PGGHG: variants seen among roughly 807,000 people sequenced by gnomAD.
PGGHG encodes the protein protein-glucosylgalactosylhydroxylysine glucosidase, also known as ATH1, acid trehalase-like 1.
In PGGHG, 67 loss-of-function variants were observed where a neutral mutation model predicts 74.5. The observed-to-expected ratio is 0.90, with a 90% CI of 0.74 to 1.10. The LOEUF is 1.10. PGGHG is among the 50% of genes least tolerant of loss of function. PGGHG has a pLI of 0.00. For synonymous variants in PGGHG, 496 were observed against 419.9 expected (o/e 1.18, Z -2.21); for missense variants, 1,034 against 981.5 (o/e 1.05, Z -0.72).
Position 289,772 on chromosome 11 carries a change from C to G in PGGHG, c.-13-32C>G, listed in dbSNP as rs769117959. The G allele has an allele frequency of 6.6e-7, 1 of 1,524,698 alleles. No individual in the cohort carries two copies. Among genetic ancestry groups the G allele is most frequent in the Admixed American group, 2.0e-5 (1 of 49,588 alleles). The allele number at this position is 1,524,698 out of a possible 1,614,324, so 94.4% of individuals were successfully genotyped here. A position where few individuals can be genotyped will look rare whatever the true frequency, so the allele number is the denominator to read the frequency against. ...CTCAAGAGGGAGGCCCAGCCAGTCCCGCGGCCCCTGACACCCCATCAGGCC... is the reference window on the plus strand; with the variant it reads ...CTCAAGAGGGAGGCCCAGCCAGTCCGGCGGCCCCTGACACCCCATCAGGCC... On this transcript the variant is annotated intron_variant, in intron 1 of 13. Transcript: ENST00000409548. This position sits in a 1 kb window ranked among gnomAD's most constrained non-coding sequence, Gnocchi z 5.6.
intron 7 of PGGHG, 79 bp from the exon 8 acceptor site, chr11:293,084 A>G: frequency 6.2e-7 from 1 of 1,613,914 alleles, no homozygotes; most frequent in Non-Finnish European, 8.5e-7. Flanking sequence ...CACGTGTGCC[A>G]GCCCCACGCT....
intron 9 of PGGHG, 37 bp from the exon 10 acceptor site, chr11:293,557 C>T (rs1845790578): frequency 6.2e-7 from 1 of 1,613,012 alleles, no homozygotes; most frequent in Non-Finnish European, 8.5e-7. Flanking sequence ...TCGAGTCTGT[C>T]CTGGAACACC....
Position 292,063 on chromosome 11 carries a change from G to A in PGGHG, c.994G>A (p.Ala332Thr). The A allele has an allele frequency of 6.3e-7, 1 of 1,582,128 alleles. No homozygotes were observed. The highest frequency in any genetic ancestry group is 8.6e-7 in the Non-Finnish European group (1 of 1,163,970). The change falls in exon 5 of 14, where the codon GCC becomes ACC. Residue 332 changes from alanine (A) to threonine (T), a missense_variant. Transcript: ENST00000409548. Reference sequence around the variant, plus strand: ...GTACCGCATCCGCACGCTGGACGGGGCCCTGGAGAACGCCCAGAACCTGGG... The same window carrying A: ...GTACCGCATCCGCACGCTGGACGGGACCCTGGAGAACGCCCAGAACCTGGG... The part of the protein sequence containing the change: ...LEYRIRTLDG[A>T]LENAQNLGYQ...
Position 291,507 on chromosome 11 carries a change from G to A in PGGHG, c.906+394G>A, listed in dbSNP as rs551048801. The A allele has an allele frequency of 6.8e-5, 18 of 263,040 alleles. 1 individual carries two copies. Among genetic ancestry groups the A allele is most frequent in the East Asian group, 3.4e-4 (4 of 11,614 alleles). The allele number at this position is 263,040 out of a possible 1,614,324, so 16.3% of individuals were successfully genotyped here. A position where few individuals can be genotyped will look rare whatever the true frequency, so the allele number is the denominator to read the frequency against. ...AGGCCTGTGGGGCTGCGTGGAGCCC[G>A]GTACTGGAGGCCGACGGGGGTGACG... On this transcript the variant is annotated intron_variant, in intron 4 of 13. Coordinates refer to ENST00000409548, the MANE Select transcript of PGGHG (RefSeq NM_025092.5).
intron 4 of PGGHG, chr11:291,556 A>G: frequency 3.9e-6 from 1 of 257,914 alleles, no homozygotes; most frequent in Non-Finnish European, 7.5e-6. Flanking sequence ...CACAGAGCGG[A>G]GGGGCATGAT....
At position 290,846 on chromosome 11, in the gene PGGHG, C is replaced by G; in HGVS notation, c.639C>G (p.Ala213=). ...AVGGSQAEAQ[A]CLTEALQLQA... ...GCGGCAGCCAGGCTGAGGCTCAGGC[C>G]TGCCTCACTGAGGCCCTGCAGCTGC... The change falls in exon 4 of 14, where the codon GCC becomes GCG. Residue 213 remains alanine, a synonymous_variant. Transcript: ENST00000409548. 1 of 1,612,034 alleles carries G rather than the reference C, an allele frequency of 6.2e-7. No individual in the cohort carries two copies. Among genetic ancestry groups the G allele is most frequent in the Non-Finnish European group, 8.5e-7 (1 of 1,179,532 alleles).
intron 4 of PGGHG, chr11:291,567 G>A: frequency 3.9e-6 from 1 of 256,844 alleles, no homozygotes; most frequent in South Asian, 5.5e-5. Flanking sequence ...GGGGCATGAT[G>A]GCTGCTGGGC....
In PGGHG at chr11:294,086, C is replaced by A; in HGVS notation, c.1711-13C>A. The A allele has an allele frequency of 6.3e-7, 1 of 1,596,618 alleles. No homozygotes were observed. The highest frequency in any genetic ancestry group is 1.1e-5 in the South Asian group (1 of 88,778). ...CCTGGGGGTCCTGGTGTCAGCTGCC[C>A]TTGCCCCTGCAGGTGTGGACGGAGA... is the stretch of plus-strand genomic sequence containing the variant. On this transcript the variant is annotated splice_polypyrimidine_tract_variant and intron_variant, in intron 11 of 13. Transcript: ENST00000409548.
In PGGHG at chr11:289,736, T is replaced by A; in HGVS notation, c.-13-68T>A. ...CAGTTCTGAGGGAGGCTTCAGGGGA[T>A]TACAGACGGTCTCAAGAGGGAGGCC... On this transcript the variant is annotated intron_variant, in intron 1 of 13. Coordinates refer to ENST00000409548, the MANE Select transcript of PGGHG (RefSeq NM_025092.5). This position sits in a 1 kb window ranked among gnomAD's most constrained non-coding sequence, Gnocchi z 5.6. 6.8e-7 allele frequency: 1 copy of A among 1,473,694 alleles called. No individual in the cohort carries two copies. The highest frequency in any genetic ancestry group is 9.0e-7 in the Non-Finnish European group (1 of 1,108,102). The allele number at this position is 1,473,694 out of a possible 1,614,324, so 91.3% of individuals were successfully genotyped here.
chr11:289,967 G>T lies in PGGHG; in HGVS notation c.151G>T (p.Gly51Trp). 1 of 1,550,176 alleles carries T rather than the reference G, an allele frequency of 6.5e-7. No individual in the cohort carries two copies. Among genetic ancestry groups the T allele is most frequent in the South Asian group, 1.2e-5 (1 of 84,058 alleles). ...GAGCGGCGTGTACAATGGGGCTGGC[G>T]GGGACACGCACCGGGCCATGCTGCC... ...HVSGVYNGAGGDTHRAMLPSP... is the reference protein window; with the variant it reads ...HVSGVYNGAGWDTHRAMLPSP... The change falls in exon 2 of 14, where the codon GGG (glycine) becomes TGG (tryptophan). Residue 51 changes from glycine to tryptophan, a missense_variant. Transcript: ENST00000409548. The surrounding 1 kb of genome is among the most constrained non-coding windows in gnomAD (Gnocchi z 5.6).
Position 294,538 on chromosome 11 carries a change from C to T in PGGHG, c.2021-18C>T. 1.9e-6 allele frequency: 3 copies of T among 1,600,100 alleles called. No homozygotes were observed. The highest frequency in any genetic ancestry group is 2.6e-6 in the Non-Finnish European group (3 of 1,171,366). ...CCCCAGGCTGCCCCTCACCCCCAGG[C>T]TGCCTCTCTCCCTGCAGGACACAAG... On this transcript the variant is annotated intron_variant, in intron 13 of 13. Coordinates refer to ENST00000409548, the MANE Select transcript of PGGHG (RefSeq NM_025092.5).
Position 290,372 on chromosome 11 carries a change from TC to T in PGGHG, c.260-17del, listed in dbSNP as rs1177187382. On this transcript the variant is annotated splice_polypyrimidine_tract_variant and intron_variant, in intron 2 of 13. Coordinates refer to ENST00000409548, the MANE Select transcript of PGGHG (RefSeq NM_025092.5). ...CCATAGCTTGGCAACCCACCTGCCTTCGCTTCTGCCTCCCCAGGCTCCTTTC... is the reference window on the plus strand; with the variant it reads ...CCATAGCTTGGCAACCCACCTGCCTTGCTTCTGCCTCCCCAGGCTCCTTTC... 3.3e-6 allele frequency: 5 copies of T among 1,538,388 alleles called. No individual in the cohort carries two copies. The highest frequency in any genetic ancestry group is 2.0e-5 in the Admixed American group (1 of 50,970).
At chr11:290,192 A>G in intron 2 of PGGHG, 117 bp downstream of exon 2, 2 of 1,423,946 alleles carry the variant, frequency 1.4e-6, no homozygotes, top group Non-Finnish European at 1.8e-6. Context: ...TCTCACTAAG[A>G]CAGGAGGCCC....
chr11:291,768 T>C (rs1056088940), intron 4 of PGGHG: 6 of 649,888 alleles, frequency 9.2e-6, no homozygotes, highest in Admixed American at 7.4e-5. Context: ...GGAGGCGAAG[T>C]GTGGGGCTGA....
chr11:290,744 G>A lies in PGGHG; in HGVS notation c.537G>A (p.Leu179=). The change falls in exon 4 of 14, where the codon CTG becomes CTA. Residue 179 remains leucine, a synonymous_variant. Coordinates refer to ENST00000409548, the MANE Select transcript of PGGHG (RefSeq NM_025092.5). ...GGCCACAGCAAGAGGTACACATGCT[G>A]TGGACACCAGCACCCCCAGACCTGA... ...PGGPQQEVHM[L]WTPAPPDLTL... is the part of the protein sequence containing the mutation. 6.2e-7 allele frequency: 1 copy of A among 1,610,656 alleles called. No individual in the cohort carries two copies. Among genetic ancestry groups the A allele is most frequent in the Non-Finnish European group, 8.5e-7 (1 of 1,178,590 alleles).
chr11:291,759 G>A lies in PGGHG; in HGVS notation c.907-217G>A, dbSNP rs528812447. The A allele has an allele frequency of 5.1e-4, 300 of 587,286 alleles. No homozygotes were observed. The African/African-American group carries it at 5.4e-3, about 11-fold the overall frequency. The allele number at this position is 587,286 out of a possible 1,614,324, so 36.4% of individuals were successfully genotyped here. A position where few individuals can be genotyped will look rare whatever the true frequency, so the allele number is the denominator to read the frequency against. ...TGAGGCCACACAAACGCCGGCTGGG[G>A]AGGCGAAGTGTGGGGCTGAGCACCA... is the stretch of plus-strand genomic sequence containing the variant. On this transcript the variant is annotated intron_variant, in intron 4 of 13. Coordinates refer to ENST00000409548, the MANE Select transcript of PGGHG (RefSeq NM_025092.5).
In PGGHG at chr11:293,351, T is replaced by G; in HGVS notation, c.1344-15T>G. 6.3e-7 allele frequency: 1 copy of G among 1,591,428 alleles called. No homozygotes were observed. The highest frequency in any genetic ancestry group is 8.6e-7 in the Non-Finnish European group (1 of 1,168,536). On this transcript the variant is annotated splice_polypyrimidine_tract_variant and intron_variant, in intron 8 of 13. Coordinates refer to ENST00000409548, the MANE Select transcript of PGGHG (RefSeq NM_025092.5). ...TGTAGGGGTTGCAGCCTCCCCCACC[T>G]ACCTCCACCTCCAGCCTGCGCTTTG...
Position 293,175 on chromosome 11 carries a change from C to G in PGGHG, c.1283C>G (p.Pro428Arg), listed in dbSNP as rs757988892. The G allele has an allele frequency of 6.2e-7, 1 of 1,613,912 alleles. No individual in the cohort carries two copies. Among genetic ancestry groups the G allele is most frequent in the Non-Finnish European group, 8.5e-7 (1 of 1,179,994 alleles). ...EKYHLRGVMS[P>R]DEYHSGVNNS... The stretch of plus-strand genomic sequence containing the variant: ...CTTGTGTGTCCAGGAGTCATGTCCC[C>G]CGACGAGTACCATTCAGGGGTCAAC... The change falls in exon 8 of 14, where the codon CCC becomes CGC. Residue 428 changes from proline to arginine, a missense_variant. Pro to Arg is a moderately radical substitution (Grantham distance 103). Transcript: ENST00000409548.
At chr11:291,633 C>G in intron 4 of PGGHG, 1 of 297,456 alleles carries the variant, frequency 3.4e-6, no homozygotes. Context: ...CTGAGCCTCC[C>G]GGTGCTGCCG....
Sources: allele counts gnomAD v4.1 joint callset, GRCh38; gene constraint gnomAD v4.1.1; non-coding constraint Gnocchi (gnomAD v3.1); transcripts MANE v1.5; gene names NCBI Gene and HGNC (gene_info 2026-07-23, HGNC 2026-07-21).